Variants in PPP6R2 observed in about 807,000 individuals in gnomAD.
The protein encoded by PPP6R2 is serine/threonine-protein phosphatase 6 regulatory subunit 2.
A neutral mutation model predicts 100.2 loss-of-function variants in PPP6R2; 62 were observed. The observed-to-expected ratio is 0.62, with a 90% CI of 0.50 to 0.76. PPP6R2 has a LOEUF of 0.76. PPP6R2 is among the 30% of genes least tolerant of loss of function. The pLI, the probability that PPP6R2 is intolerant of heterozygous loss-of-function variation, is 0.00. For synonymous variants in PPP6R2, 525 were observed against 514.7 expected, an observed-to-expected ratio of 1.02 and a Z score of -0.27; for missense variants, 1,142 against 1,276.3, an observed-to-expected ratio of 0.89 and a Z score of 1.60.
intron 4 of PPP6R2, among the ~76,000 whole-genome samples, chr22:50,407,136 CAGG>C (rs1326509783): frequency 6.6e-6 from 1 of 152,090 alleles, no homozygotes; most frequent in Admixed American, 6.6e-5. Context: ...CACTTGAGGT[CAGG>C]AGTTCAAGAC....
In PPP6R2 at chr22:50,416,145, C is replaced by A; in HGVS notation, c.606C>A (p.Ser202Arg). Residue 202 changes from serine (S) to arginine (R), a missense_variant, in exon 6 of 24, where the codon AGC becomes AGA. Around this residue, in one of 2 missense-constraint regions of PPP6R2, gnomAD observed 592 missense variants for 758.9 expected, o/e 0.78. Coordinates refer to ENST00000612753, the MANE Select transcript of PPP6R2 (RefSeq NM_001242898.2). ...IQRLVELIHP[S>R]QDEDRQSNAS... ...GGCTTGTGGAGTTGATCCACCCGAG[C>A]CAGGATGAAGATGTGAGTGTGCTGC... 6.2e-7 allele frequency: 1 copy of A among 1,613,228 alleles called. No homozygotes were observed. The highest frequency in any genetic ancestry group is 8.5e-7 in the Non-Finnish European group (1 of 1,179,374).
chr22:50,444,179 AC>A lies in PPP6R2; in HGVS notation c.2832-16del. 1 of 1,612,480 alleles carries A rather than the reference AC, an allele frequency of 6.2e-7. No homozygotes were observed. Among genetic ancestry groups the A allele is most frequent in the Non-Finnish European group, 8.5e-7 (1 of 1,179,544 alleles). On this transcript the variant is annotated intron_variant, in intron 23 of 23. Coordinates refer to ENST00000612753, the MANE Select transcript of PPP6R2 (RefSeq NM_001242898.2). The stretch of plus-strand genomic sequence containing the variant: ...AGGGCCCGCAGCCCGCACGGTTCCA[AC>A]CCCACCCCATTCCTGCAGGAAGACA...
rs774678389 is a variant in PPP6R2, at chr22:50,440,829, G to T, written c.2382G>T (p.Pro794=). 2 of 1,613,324 alleles carry T rather than the reference G, an allele frequency of 1.2e-6. No individual in the cohort carries two copies. The highest frequency in any genetic ancestry group is 2.2e-5 in the South Asian group (2 of 91,054). The change falls in exon 22 of 24, where the codon CCG becomes CCT. Residue 794 remains proline (P), a synonymous_variant. Coordinates refer to ENST00000612753, the MANE Select transcript of PPP6R2 (RefSeq NM_001242898.2). ...AGGCCTCCTACTTTGCAGTCAGCCC[G>T]GCTTCTCCATGTGCCTGGAACGTGT... The part of the protein sequence containing the change: ...RSQGPEKAFS[P]ASPCAWNVCV...
At chr22:50,358,489 A>G (rs999641962) in intron 1 of PPP6R2, among the ~76,000 whole-genome samples, 2 of 152,122 alleles carry the variant, frequency 1.3e-5, no homozygotes, top group Non-Finnish European at 2.9e-5. Context: ...TTTTCTTTTT[A>G]ACAGCTTTAT....
At chr22:50,441,052 C>CCTGCCGGGT in intron 22 of PPP6R2, 26 bp downstream of exon 22, 1 of 1,507,944 alleles carries the variant, frequency 6.6e-7, no homozygotes, top group African/African-American at 1.4e-5. Context: ...CGGGGGCGGG[C>CCTGCCGGGT]CTGCCGGGTG....
intron 4 of PPP6R2, among the ~76,000 whole-genome samples, chr22:50,410,603 C>G (rs1429976392): frequency 6.7e-6 from 1 of 149,822 alleles, no homozygotes. Context: ...TCTCGTGCCT[C>G]AGCCTCCCGT....
At chr22:50,354,513 C>G (rs1291160844) in intron 1 of PPP6R2, among the ~76,000 whole-genome samples, 1 of 151,802 alleles carries the variant, frequency 6.6e-6, no homozygotes. Flanking sequence ...AAGTGAAGCA[C>G]TGGGAGTGGA....
At chr22:50,395,218 T>C (rs2056524008) in intron 3 of PPP6R2, among the ~76,000 whole-genome samples, 1 of 152,210 alleles carries the variant, frequency 6.6e-6, no homozygotes, top group Non-Finnish European at 1.5e-5. Context: ...TCATTCGTGG[T>C]ACCGTCCGTT....
In PPP6R2 at chr22:50,409,005, T is replaced by C. The variant is rs544775901; in HGVS notation, c.414+2130T>C. ...AGCACATGCCTGTAATCCCAGCTAC[T>C]CAGGAGGCTGAGGCAGGAGAATCAC... is the stretch of plus-strand genomic sequence containing the variant. On this transcript the variant is annotated intron_variant, in intron 4 of 23. Coordinates refer to ENST00000612753, the MANE Select transcript of PPP6R2 (RefSeq NM_001242898.2). Among the ~76,000 whole-genome samples the C allele has an allele frequency of 1.4e-4, 21 of 152,298 alleles. 2 individuals carry two copies. Among genetic ancestry groups the C allele is most frequent in the African/African-American group, 4.8e-4 (20 of 41,566 alleles).
upstream of PPP6R2, among the ~76,000 whole-genome samples, chr22:50,340,139 GT>G: frequency 3.7e-5 from 3 of 81,938 alleles, no homozygotes; most frequent in Non-Finnish European, 5.7e-5. Flanking sequence ...GGTGTGTACA[GT>G]GTGTGGTGTG....
chr22:50,397,106 G>A (rs1393133797), intron 3 of PPP6R2, among the ~76,000 whole-genome samples: 1 of 152,164 alleles, frequency 6.6e-6, no homozygotes, highest in Non-Finnish European at 1.5e-5. Flanking sequence ...GAAATCAGTA[G>A]TAGATAAGTA....
chr22:50,417,961 C>CA (rs746910256), intron 6 of PPP6R2, among the ~76,000 whole-genome samples: 8 of 152,220 alleles, frequency 5.3e-5, no homozygotes, highest in Non-Finnish European at 8.8e-5. Context: ...ACCTACAGAA[C>CA]AGCCCTACAT....
upstream of PPP6R2, chr22:50,343,289 G>T (rs2042625165): frequency 6.7e-6 from 1 of 149,848 alleles, no homozygotes; most frequent in East Asian, 2.0e-4. Context: ...CGCCCCAAGC[G>T]GAGACCCCGC....
the PPP6R2 span, among the ~76,000 whole-genome samples, chr22:50,336,616 A>T: frequency 6.6e-6 from 1 of 150,420 alleles, no homozygotes; most frequent in Non-Finnish European, 1.5e-5. Flanking sequence ...CTGGTCTCAA[A>T]CTCCTGGCCT....
chr22:50,408,028 C>A (rs1349072848), intron 4 of PPP6R2, among the ~76,000 whole-genome samples: 1 of 152,124 alleles, frequency 6.6e-6, no homozygotes, highest in Non-Finnish European at 1.5e-5. Flanking sequence ...GGACTACAGG[C>A]ACATAACACC....
At chr22:50,351,857 G>GATC (rs2045356144) in intron 1 of PPP6R2, among the ~76,000 whole-genome samples, 1 of 151,742 alleles carries the variant, frequency 6.6e-6, no homozygotes, top group Admixed American at 6.6e-5. Context: ...GCAGTGGCGC[G>GATC]ATCTCGGCTC....
At chr22:50,408,647 C>T (rs1333911346) in intron 4 of PPP6R2, among the ~76,000 whole-genome samples, 1 of 152,076 alleles carries the variant, frequency 6.6e-6, no homozygotes, top group African/African-American at 2.4e-5. Context: ...ACTACCTGGC[C>T]CTTGCAGCCC....
chr22:50,433,366 T>G (rs13055018), intron 12 of PPP6R2, among the ~76,000 whole-genome samples: 13,337 of 63,250 alleles, frequency 0.21, 3,195 homozygotes, highest in East Asian at 0.37. Flanking sequence ...GCGCGGACGC[T>G]GGGCAGGGGC....
chr22:50,432,315 C>G lies in PPP6R2; in HGVS notation c.1386C>G (p.Ala462=). 1 of 1,549,422 alleles carries G rather than the reference C, an allele frequency of 6.5e-7. No homozygotes were observed. Residue 462 remains alanine (A), a synonymous_variant, in exon 12 of 24, where the codon GCC becomes GCG. Transcript: ENST00000612753. Reference sequence around the variant, plus strand: ...AGAGGATCCTGGAGGCCTGGGAAGCCAACGACCACACGCAGTAAGAGCCGC... The same window carrying G: ...AGAGGATCCTGGAGGCCTGGGAAGCGAACGACCACACGCAGTAAGAGCCGC... ...LVQRILEAWE[A]NDHTQAAGGM...
Sources: gnomAD v4.1 joint callset for allele counts (sites outside exome capture counted in the v4.1 genomes callset) on GRCh38, gnomAD v4.1.1 for gene constraint, gnomAD v4.1.1 regional missense constraint, MANE v1.5 for transcripts, NCBI Gene and HGNC (gene_info 2026-07-23, HGNC 2026-07-21) for gene names.